The following SLC12A2 variants were observed in gnomAD, a reference collection of about 807,000 sequenced individuals.
The protein encoded by SLC12A2 is solute carrier family 12 member 2, also known as Na-K-2Cl cotransporter 1.
A neutral mutation model predicts 136.3 loss-of-function variants in SLC12A2; 67 were observed. The ratio of observed to expected loss-of-function variants is 0.49; its 90% CI spans 0.40 to 0.60. The LOEUF (loss-of-function observed/expected upper bound fraction) is 0.60. Among genes scored for constraint, SLC12A2 ranks in the 20% least tolerant of loss-of-function variants. The probability of loss-of-function intolerance (pLI) is 0.00; values close to 1 mark genes in which losing one functional copy is unlikely to be tolerated. For synonymous variants in SLC12A2, 619 were observed against 562.9 expected (o/e 1.10, Z -1.41); for missense variants, 1,322 against 1,534.7 (o/e 0.86, Z 2.32).
chr5:128,110,372 T>A, intron 1 of SLC12A2: 1 of 978,452 alleles, frequency 1.0e-6, no homozygotes, highest in South Asian at 1.3e-5. Context: ...CTAACACGGG[T>A]CCTCCCTGGG....
rs940453083 is a variant in SLC12A2, at chr5:128,188,438, G to T, written c.*1807G>T. 11 of 151,946 alleles carry T rather than the reference G, an allele frequency of 7.2e-5. 1 individual carries two copies. The highest frequency in any genetic ancestry group is 3.2e-3 in the Middle Eastern group (1 of 316). 9.4% of individuals were successfully genotyped at this position (151,946 alleles called of 1,614,324 possible). A position where few individuals can be genotyped will look rare whatever the true frequency, so the allele number is the denominator to read the frequency against. ...GCCTCCCTAGTAGCTGGGACTACGG[G>T]TGCACGCCACCATGCCCAGCTAATT... On this transcript the variant is annotated 3_prime_UTR_variant, in exon 27 of 27. Coordinates refer to ENST00000262461, the MANE Select transcript of SLC12A2 (RefSeq NM_001046.3).
intron 4 of SLC12A2, among the ~76,000 whole-genome samples, chr5:128,122,552 A>G (rs1298174317): frequency 6.6e-6 from 1 of 152,196 alleles, no homozygotes; most frequent in East Asian, 1.9e-4. Context: ...ATTAATTTTT[A>G]TGCAGATTCT....
chr5:128,093,282 CCTT>C (rs1376656208), intron 1 of SLC12A2, among the ~76,000 whole-genome samples: 1 of 152,082 alleles, frequency 6.6e-6, no homozygotes, highest in Non-Finnish European at 1.5e-5. Context: ...GCAGTCGCCT[CCTT>C]CTCTAACCTG....
At chr5:128,096,811 C>T (rs1462396749) in intron 1 of SLC12A2, among the ~76,000 whole-genome samples, 6 of 152,102 alleles carry the variant, frequency 3.9e-5, no homozygotes, top group East Asian at 1.9e-4. Flanking sequence ...AGCAAAATAA[C>T]AGCAATAACA....
chr5:128,127,925 T>C (rs1024825360), intron 4 of SLC12A2, among the ~76,000 whole-genome samples: 3 of 152,138 alleles, frequency 2.0e-5, no homozygotes, highest in African/African-American at 4.8e-5. Flanking sequence ...TTCCAGTTTC[T>C]GAAGTTAGAA....
intron 12 of SLC12A2, among the ~76,000 whole-genome samples, chr5:128,149,409 T>G (rs1426696349): frequency 6.6e-6 from 1 of 151,830 alleles, no homozygotes; most frequent in East Asian, 1.9e-4. Context: ...GGGCAATATC[T>G]CGTAAACTTT....
chr5:128,122,420 T>G (rs1761617226), intron 4 of SLC12A2, among the ~76,000 whole-genome samples: 1 of 152,210 alleles, frequency 6.6e-6, no homozygotes, highest in African/African-American at 2.4e-5. Flanking sequence ...AACTAACTGC[T>G]AGGCATGATG....
At chr5:128,168,955 C>T (rs1483899716) in intron 18 of SLC12A2, 1 of 152,082 alleles carries the variant, frequency 6.6e-6, no homozygotes, top group Non-Finnish European at 1.5e-5. Flanking sequence ...TGGTTGTGTT[C>T]TGTTTGTGGA....
intron 1 of SLC12A2, chr5:128,110,012 A>G: frequency 9.4e-7 from 1 of 1,069,372 alleles, no homozygotes; most frequent in East Asian, 2.4e-5. Context: ...AAAAGATTGC[A>G]GTAGAAATCC....
At chr5:128,157,544 G>T (rs1340510859) in intron 15 of SLC12A2, among the ~76,000 whole-genome samples, 1 of 152,132 alleles carries the variant, frequency 6.6e-6, no homozygotes, top group African/African-American at 2.4e-5. Context: ...AAGCTAAGAA[G>T]GAAAGTGACC....
chr5:128,114,706 C>A, intron 4 of SLC12A2, 25 bp downstream of exon 4: 1 of 1,332,858 alleles, frequency 7.5e-7, no homozygotes, highest in Non-Finnish European at 1.1e-6. Flanking sequence ...TTTGAATCAT[C>A]ATCATCAGAT....
chr5:128,114,073 G>A, intron 2 of SLC12A2, 139 bp from the exon 3 acceptor site: 1 of 636,958 alleles, frequency 1.6e-6, no homozygotes, highest in South Asian at 2.1e-5. Flanking sequence ...AAAGAAAAGG[G>A]TGGGGTAGGA....
intron 9 of SLC12A2, 93 bp from the exon 10 acceptor site, chr5:128,141,737 C>T (rs528848434): frequency 9.9e-7 from 1 of 1,007,786 alleles, no homozygotes; most frequent in East Asian, 2.8e-5. Flanking sequence ...GTAGTCACTA[C>T]TTTGGTTTCT....
chr5:128,121,868 C>A (rs770643236), intron 4 of SLC12A2, among the ~76,000 whole-genome samples: 1 of 152,184 alleles, frequency 6.6e-6, no homozygotes, highest in South Asian at 2.1e-4. Context: ...AGAGTTTCCA[C>A]GGATCTGTAC....
Position 128,171,663 on chromosome 5 carries a change from T to C in SLC12A2, c.2724-4T>C. The C allele has an allele frequency of 6.4e-7, 1 of 1,562,664 alleles. No homozygotes were observed. Among genetic ancestry groups the C allele is most frequent in the African/African-American group, 1.4e-5 (1 of 71,618 alleles). On this transcript the variant is annotated splice_region_variant and splice_polypyrimidine_tract_variant and intron_variant, in intron 18 of 26. Coordinates refer to ENST00000262461, the MANE Select transcript of SLC12A2 (RefSeq NM_001046.3). The stretch of plus-strand genomic sequence containing the variant: ...TTTTTCATTTTTTGTTTTTTTGTTC[T>C]TAGTGATGCTTTTGACATACAATAT...
At chr5:128,178,877 A>G (rs1474835063) in intron 22 of SLC12A2, among the ~76,000 whole-genome samples, 188 bp downstream of exon 22, 1 of 152,124 alleles carries the variant, frequency 6.6e-6, no homozygotes, top group Non-Finnish European at 1.5e-5. Context: ...CCTAATGCGG[A>G]GGTTGTTCAG....
At chr5:128,134,471 A>G (rs965261417) in intron 6 of SLC12A2, among the ~76,000 whole-genome samples, 196 bp downstream of exon 6, 10 of 152,044 alleles carry the variant, frequency 6.6e-5, no homozygotes, top group Non-Finnish European at 1.2e-4. Context: ...TCAGCCTAGG[A>G]TCTAGTTAAA....
chr5:128,179,564 G>T (rs760796907), intron 22 of SLC12A2, among the ~76,000 whole-genome samples: 1 of 152,178 alleles, frequency 6.6e-6, no homozygotes, highest in Non-Finnish European at 1.5e-5. Context: ...TTCTAGAGAA[G>T]CCTCAGGGAG....
chr5:128,102,148 T>G (rs547565846), intron 1 of SLC12A2, among the ~76,000 whole-genome samples: 1 of 152,226 alleles, frequency 6.6e-6, no homozygotes, highest in African/African-American at 2.4e-5. Flanking sequence ...GCTCTTACTT[T>G]ATTAATGTCA....
Sources: gnomAD v4.1 joint callset for allele counts (sites outside exome capture counted in the v4.1 genomes callset) on GRCh38, gnomAD v4.1.1 for gene constraint, MANE v1.5 for transcripts, NCBI Gene and HGNC (gene_info 2026-07-23, HGNC 2026-07-21) for gene names.